MARCHF1: variants seen among roughly 807,000 people sequenced by gnomAD.
The protein encoded by MARCHF1 is membrane associated ring-CH-type finger 1, also known as E3 ubiquitin-protein ligase MARCHF1.
MARCHF1 carries 40 observed loss-of-function variants against 54.2 expected under a neutral mutation model. The observed-to-expected ratio is 0.74, with a 90% CI of 0.57 to 0.96. MARCHF1 has a LOEUF of 0.96. Ranked by LOEUF, MARCHF1 falls within the 40% of genes least tolerant of loss-of-function variation. The pLI, the probability that MARCHF1 is intolerant of heterozygous loss-of-function variation, is 0.00. For missense variants in MARCHF1, 586 were observed against 656.5 expected (o/e 0.89, Z 1.17); for synonymous variants, 236 against 236.3 (o/e 1.00, Z 0.01).
At chr4:164,101,898 C>T (rs1755571407) in intron 2 of MARCHF1, among the ~76,000 whole-genome samples, 1 of 151,234 alleles carries the variant, frequency 6.6e-6, no homozygotes, top group Non-Finnish European at 1.5e-5. Context: ...ACTAGAAGAA[C>T]CAATACAGAG....
intron 3 of MARCHF1, among the ~76,000 whole-genome samples, chr4:163,886,716 C>G (rs1750547135): frequency 6.6e-6 from 1 of 151,956 alleles, no homozygotes; most frequent in Non-Finnish European, 1.5e-5. Flanking sequence ...AGCATTTTTC[C>G]TTGGTGAGAG....
chr4:164,283,790 T>G (rs898703214), intron 1 of MARCHF1, among the ~76,000 whole-genome samples: 1 of 150,620 alleles, frequency 6.6e-6, no homozygotes, highest in African/African-American at 2.4e-5. Flanking sequence ...TGGAAGAAAA[T>G]GCAGGAGGGA....
chr4:164,083,938 A>G (rs564082618), intron 2 of MARCHF1, among the ~76,000 whole-genome samples: 1 of 152,194 alleles, frequency 6.6e-6, no homozygotes, highest in Non-Finnish European at 1.5e-5. Flanking sequence ...ATTTTAACCT[A>G]GAGATATAAT....
chr4:163,991,793 T>C (rs1391179665), intron 2 of MARCHF1, among the ~76,000 whole-genome samples: 1 of 152,182 alleles, frequency 6.6e-6, no homozygotes, highest in Non-Finnish European at 1.5e-5. Context: ...TTTTTCCATA[T>C]ACATGTCTAA....
intron 1 of MARCHF1, among the ~76,000 whole-genome samples, chr4:164,326,395 A>G (rs748399074): frequency 6.6e-6 from 1 of 152,226 alleles, no homozygotes; most frequent in Non-Finnish European, 1.5e-5. Flanking sequence ...AAGTTGTTAT[A>G]TCAAAGATAT....
chr4:164,289,735 C>T (rs1408095175), intron 1 of MARCHF1, among the ~76,000 whole-genome samples: 1 of 151,958 alleles, frequency 6.6e-6, no homozygotes, highest in Admixed American at 6.6e-5. Flanking sequence ...GTCTTACCAT[C>T]CCACCTTCAA....
At chr4:163,743,755 G>T (rs1746277787) in intron 4 of MARCHF1, among the ~76,000 whole-genome samples, 2 of 152,048 alleles carry the variant, frequency 1.3e-5, no homozygotes, top group African/African-American at 2.4e-5. Context: ...ATTTTTTTGA[G>T]TTTTTAGTAG....
chr4:163,681,576 A>G (rs1744105716), intron 5 of MARCHF1, among the ~76,000 whole-genome samples: 1 of 152,172 alleles, frequency 6.6e-6, no homozygotes, highest in African/African-American at 2.4e-5. Flanking sequence ...TGTTCTCATG[A>G]TAGTGAGTAC....
chr4:163,553,504 T>A (rs370749599), intron 8 of MARCHF1, among the ~76,000 whole-genome samples: 8 of 152,334 alleles, frequency 5.3e-5, no homozygotes, highest in African/African-American at 1.7e-4. Flanking sequence ...TTTTATTAAC[T>A]ATGTGAACAA....
At chr4:164,144,057 A>C (rs1729588375) in intron 1 of MARCHF1, among the ~76,000 whole-genome samples, 1 of 152,186 alleles carries the variant, frequency 6.6e-6, no homozygotes, top group Admixed American at 6.5e-5. Context: ...ACCAACAAAG[A>C]TCAAAAGAGA....
intron 1 of MARCHF1, among the ~76,000 whole-genome samples, chr4:164,213,715 CATA>C (rs1432722423): frequency 6.6e-6 from 1 of 151,768 alleles, no homozygotes; most frequent in Non-Finnish European, 1.5e-5. Flanking sequence ...CTTTAGATGA[CATA>C]ATAAATTATA....
intron 1 of MARCHF1, among the ~76,000 whole-genome samples, chr4:164,311,884 T>A (rs1157141504): frequency 6.6e-6 from 1 of 152,234 alleles, no homozygotes; most frequent in Non-Finnish European, 1.5e-5. Context: ...GGAGGAAAGA[T>A]TTATGGCTTT....
Position 163,859,589 on chromosome 4 carries a change from A to C in MARCHF1, c.-38-5420T>G, listed in dbSNP as rs6847017. On this transcript the variant is annotated intron_variant, in intron 3 of 9. Coordinates refer to ENST00000514618, the MANE Select transcript of MARCHF1 (RefSeq NM_001394959.1). ...TTGGCCAGGCTGGTCTTGAACTCCT[A>C]ACCTCAGGTGATCCACCTGCTTCGG... is the stretch of plus-strand genomic sequence containing the variant. Among the ~76,000 whole-genome samples the C allele has an allele frequency of 1.1e-3, 171 of 152,076 alleles. 7 individuals are homozygous for C. The East Asian group carries it at 0.027, about 24-fold the overall frequency.
At chr4:163,633,002 T>G (rs569793258) in intron 5 of MARCHF1, among the ~76,000 whole-genome samples, 26 of 152,220 alleles carry the variant, frequency 1.7e-4, no homozygotes, top group South Asian at 1.7e-3. Context: ...CACCTCACAC[T>G]GCAGGGTACT....
intron 1 of MARCHF1, among the ~76,000 whole-genome samples, chr4:164,200,869 G>A (rs1265264221): frequency 1.3e-5 from 2 of 152,182 alleles, no homozygotes; most frequent in Non-Finnish European, 2.9e-5. Context: ...TCCTGCGAGG[G>A]TGATGACTGA....
chr4:164,244,996 C>T (rs552046319), intron 1 of MARCHF1, among the ~76,000 whole-genome samples: 168 of 152,248 alleles, frequency 1.1e-3, no homozygotes, highest in African/African-American at 3.9e-3. Context: ...AGTCCAGGAC[C>T]AGATGGATAC....
chr4:164,261,920 A>C (rs1303437510), intron 1 of MARCHF1, among the ~76,000 whole-genome samples: 1 of 151,986 alleles, frequency 6.6e-6, no homozygotes, highest in Non-Finnish European at 1.5e-5. Flanking sequence ...GCAACATGGC[A>C]AAACCTCTTC....
intron 8 of MARCHF1, among the ~76,000 whole-genome samples, chr4:163,577,901 A>C (rs1183149347): frequency 6.6e-6 from 1 of 151,866 alleles, no homozygotes; most frequent in African/African-American, 2.4e-5. Context: ...GAACTTCCTT[A>C]AATTAAGAAA....
intron 4 of MARCHF1, among the ~76,000 whole-genome samples, chr4:163,771,848 A>G (rs1319973653): frequency 6.6e-6 from 1 of 152,202 alleles, no homozygotes; most frequent in Non-Finnish European, 1.5e-5. Context: ...ATTTTGAGAA[A>G]CACGAAACAA....
Sources: gnomAD v4.1 joint callset for allele counts (sites outside exome capture counted in the v4.1 genomes callset) on GRCh38, gnomAD v4.1.1 for gene constraint, MANE v1.5 for transcripts, NCBI Gene and HGNC (gene_info 2026-07-23, HGNC 2026-07-21) for gene names.